Variants in CALN1 observed in about 807,000 individuals in gnomAD.
CALN1 encodes calneuron 1, also known as calcium-binding protein 8.
CALN1 carries 17 observed loss-of-function variants against 30.6 expected under a neutral mutation model. The observed-to-expected ratio is 0.56, with a 90% CI of 0.38 to 0.83. The LOEUF is 0.83. Ranked by LOEUF, CALN1 falls within the 40% of genes least tolerant of loss-of-function variation. CALN1 has a pLI of 0.00. For missense variants in CALN1, 291 were observed against 354.9 expected, an observed-to-expected ratio of 0.82 and a Z score of 1.45; for synonymous variants, 156 against 131.4, an observed-to-expected ratio of 1.19 and a Z score of -1.28.
chr7:72,270,295 G>T (rs1236102239), intron 3 of CALN1, among the ~76,000 whole-genome samples: 1 of 152,072 alleles, frequency 6.6e-6, no homozygotes, highest in Non-Finnish European at 1.5e-5. Context: ...GCACTCACCA[G>T]GGTGACAATG....
intron 5 of CALN1, among the ~76,000 whole-genome samples, chr7:71,952,651 C>T (rs1457149995): frequency 7.1e-6 from 1 of 140,840 alleles, no homozygotes; most frequent in Non-Finnish European, 1.6e-5. Context: ...GTGTAGATCG[C>T]TAGCGATCTC....
At chr7:72,359,229 T>G (rs1803414670) in intron 2 of CALN1, among the ~76,000 whole-genome samples, 1 of 152,204 alleles carries the variant, frequency 6.6e-6, no homozygotes, top group Non-Finnish European at 1.5e-5. Flanking sequence ...AGAGTCACTC[T>G]TGGCACCTTC....
intron 4 of CALN1, among the ~76,000 whole-genome samples, chr7:72,031,333 A>C (rs1801423374): frequency 6.6e-6 from 1 of 152,194 alleles, no homozygotes; most frequent in Non-Finnish European, 1.5e-5. Flanking sequence ...TCATCATTTC[A>C]GAGAGTAATA....
At chr7:72,445,323 C>T (rs1808495194) in intron 1 of CALN1, among the ~76,000 whole-genome samples, 1 of 152,126 alleles carries the variant, frequency 6.6e-6, no homozygotes, top group Admixed American at 6.5e-5. Context: ...CTCCACTGAA[C>T]GGTCTGTGAG....
chr7:71,888,065 G>A (rs1028616998), intron 5 of CALN1, among the ~76,000 whole-genome samples: 1 of 152,042 alleles, frequency 6.6e-6, no homozygotes, highest in Non-Finnish European at 1.5e-5. Context: ...GAGCTGCGAG[G>A]ATCATAGGGA....
At chr7:72,397,757 TCCAA>T (rs1237202179) in intron 2 of CALN1, among the ~76,000 whole-genome samples, 1 of 97,630 alleles carries the variant, frequency 1.0e-5, no homozygotes, top group Non-Finnish European at 2.2e-5. Context: ...CACACCTTGC[TCCAA>T]CCAAAGTGGG....
At chr7:72,254,224 T>A (rs1296682443) in intron 3 of CALN1, among the ~76,000 whole-genome samples, 1 of 152,186 alleles carries the variant, frequency 6.6e-6, no homozygotes, top group Admixed American at 6.5e-5. Flanking sequence ...TGTGATGAAG[T>A]CTTTCCTGTT....
chr7:72,270,263 A>C (rs1240638713), intron 3 of CALN1, among the ~76,000 whole-genome samples: 1 of 152,112 alleles, frequency 6.6e-6, no homozygotes, highest in Admixed American at 6.6e-5. Flanking sequence ...TCAAGACTAC[A>C]GTGAATTCTG....
intron 2 of CALN1, among the ~76,000 whole-genome samples, chr7:72,384,479 T>C (rs1805087886): frequency 6.6e-6 from 1 of 151,998 alleles, no homozygotes; most frequent in Admixed American, 6.6e-5. Context: ...TAATGAAAAT[T>C]AATTCAAAAT....
upstream of CALN1, among the ~76,000 whole-genome samples, chr7:72,416,211 A>G (rs939513142): frequency 2.0e-5 from 3 of 152,140 alleles, no homozygotes; most frequent in Non-Finnish European, 4.4e-5. Flanking sequence ...CAACACCCAG[A>G]AGTTACCACC....
chr7:72,401,416 G>A (rs762884622), intron 2 of CALN1, among the ~76,000 whole-genome samples: 7 of 152,124 alleles, frequency 4.6e-5, no homozygotes, highest in Non-Finnish European at 8.8e-5. Flanking sequence ...ACTGCACAAA[G>A]AAAATCTTTA....
chr7:72,317,598 C>G (rs368288634), intron 2 of CALN1, among the ~76,000 whole-genome samples: 1 of 152,074 alleles, frequency 6.6e-6, no homozygotes, highest in Admixed American at 6.6e-5. Flanking sequence ...GACCACAGGG[C>G]GAACTGGGCT....
At chr7:72,346,921 G>A (rs1199943140) in intron 2 of CALN1, among the ~76,000 whole-genome samples, 1 of 152,192 alleles carries the variant, frequency 6.6e-6, no homozygotes, top group African/African-American at 2.4e-5. Flanking sequence ...GGACACAGTA[G>A]AAGAGATTAG....
chr7:72,284,313 A>C (rs2129554410), intron 2 of CALN1, among the ~76,000 whole-genome samples: 1 of 152,308 alleles, frequency 6.6e-6, no homozygotes, highest in Non-Finnish European at 1.5e-5. Context: ...TAATTAAATA[A>C]ATAAACTAAA....
intron 4 of CALN1, among the ~76,000 whole-genome samples, chr7:72,071,547 G>T (rs1804396146): frequency 6.6e-6 from 1 of 152,096 alleles, no homozygotes; most frequent in Non-Finnish European, 1.5e-5. Flanking sequence ...GCTCAGAAAA[G>T]ACCTGAGAAG....
intron 5 of CALN1, among the ~76,000 whole-genome samples, chr7:71,860,451 A>G (rs879918276): frequency 3.3e-5 from 5 of 152,100 alleles, no homozygotes; most frequent in Non-Finnish European, 7.4e-5. Flanking sequence ...TTGGCCTCCC[A>G]AAGTGCTGGG....
At chr7:71,962,692 TGAG>T (rs761990641) in intron 5 of CALN1, among the ~76,000 whole-genome samples, 2 of 152,204 alleles carry the variant, frequency 1.3e-5, no homozygotes, top group Admixed American at 6.5e-5. Flanking sequence ...TTGGGTGCCG[TGAG>T]GAGAAGATTT....
chr7:72,252,845 A>T (rs1795658355), intron 3 of CALN1, among the ~76,000 whole-genome samples: 1 of 152,194 alleles, frequency 6.6e-6, no homozygotes, highest in Admixed American at 6.5e-5. Flanking sequence ...GCTCTGTGGG[A>T]ATTCTACTTT....
At chr7:72,095,631 C>T (rs1469991952) in intron 4 of CALN1, among the ~76,000 whole-genome samples, 1 of 152,128 alleles carries the variant, frequency 6.6e-6, no homozygotes, top group African/African-American at 2.4e-5. Context: ...GAGAGACTCT[C>T]AAAGAAGGAA....
Sources: gnomAD v4.1 joint callset for allele counts (sites outside exome capture counted in the v4.1 genomes callset) on GRCh38, gnomAD v4.1.1 for gene constraint, MANE v1.5 for transcripts, NCBI Gene and HGNC (gene_info 2026-07-23, HGNC 2026-07-21) for gene names.